The following ADAM2 variants were observed in gnomAD, a reference collection of about 807,000 sequenced individuals.
The protein encoded by ADAM2 is ADAM metallopeptidase domain 2.
ADAM2 carries 101 observed loss-of-function variants against 99.3 expected under a neutral mutation model. The ratio of observed to expected loss-of-function variants is 1.02; its 90% CI spans 0.87 to 1.20. The LOEUF (loss-of-function observed/expected upper bound fraction) is 1.20, where lower values mean the gene tolerates loss of function less well. ADAM2 is among the 50% of genes most tolerant of loss of function. The probability of loss-of-function intolerance (pLI) is 0.00; values close to 1 mark genes in which losing one functional copy is unlikely to be tolerated. For synonymous variants in ADAM2, 323 were observed against 287.6 expected, an observed-to-expected ratio of 1.12 and a Z score of -1.25; for missense variants, 948 against 878.7, an observed-to-expected ratio of 1.08 and a Z score of -1.00.
chr8:39,756,798 C>A (rs1802166660), intron 15 of ADAM2, among the ~76,000 whole-genome samples: 1 of 152,168 alleles, frequency 6.6e-6, no homozygotes, highest in African/African-American at 2.4e-5. Context: ...AGTGCACACA[C>A]CAGTTAAACA....
intron 7 of ADAM2, among the ~76,000 whole-genome samples, chr8:39,806,766 T>G (rs1227124181): frequency 6.6e-6 from 1 of 152,122 alleles, no homozygotes; most frequent in African/African-American, 2.4e-5. Flanking sequence ...CTATCTTTGT[T>G]GCAAAGATTG....
chr8:39,786,074 C>T (rs552514517), intron 10 of ADAM2, among the ~76,000 whole-genome samples: 12 of 152,202 alleles, frequency 7.9e-5, no homozygotes, highest in East Asian at 5.8e-4. Context: ...CCAAATACTG[C>T]GTGTTCTCAC....
intron 2 of ADAM2, 64 bp from the exon 3 acceptor site, chr8:39,834,063 CA>C (rs1350000341): frequency 1.2e-6 from 1 of 831,772 alleles, no homozygotes; most frequent in Non-Finnish European, 2.0e-6. Context: ...GGATAACCAT[CA>C]TTTTACATTA....
At position 39,788,228 on chromosome 8, in the gene ADAM2, T is replaced by C; in HGVS notation, c.666A>G (p.Thr222=). ...TNAIFVSFNI[T]IILSSLELWI... ...AAAGCTCCAATGAAGACAGAATAAT[T>C]GTAATATTAAATGAAACAAAAATCT... The change falls in exon 9 of 21, where the codon ACA becomes ACG. Residue 222 remains threonine (T), a synonymous_variant. Transcript: ENST00000265708. 1 of 1,533,656 alleles carries C rather than the reference T, an allele frequency of 6.5e-7. No homozygotes were observed. The highest frequency in any genetic ancestry group is 8.8e-7 in the Non-Finnish European group (1 of 1,137,490).
At chr8:39,778,938 TC>T (rs1321180366) in intron 10 of ADAM2, among the ~76,000 whole-genome samples, 1 of 152,114 alleles carries the variant, frequency 6.6e-6, no homozygotes, top group African/African-American at 2.4e-5. Flanking sequence ...TCCTGTTATC[TC>T]TTATAATTCA....
intron 7 of ADAM2, among the ~76,000 whole-genome samples, chr8:39,801,975 C>G (rs914674600): frequency 1.3e-5 from 2 of 152,102 alleles, no homozygotes; most frequent in Admixed American, 1.3e-4. Flanking sequence ...GCCCCTCCCC[C>G]AAGGAGCTCA....
intron 11 of ADAM2, among the ~76,000 whole-genome samples, chr8:39,775,323 T>C (rs1027682861): frequency 6.6e-6 from 1 of 152,022 alleles, no homozygotes; most frequent in Non-Finnish European, 1.5e-5. Flanking sequence ...GAATGTGTTG[T>C]GCCCATTCTA....
chr8:39,821,262 A>C, intron 5 of ADAM2, 92 bp from the exon 6 acceptor site: 1 of 918,356 alleles, frequency 1.1e-6, no homozygotes, highest in Non-Finnish European at 1.6e-6. Flanking sequence ...CATGGTATGC[A>C]GATTATTTTT....
intron 7 of ADAM2, among the ~76,000 whole-genome samples, chr8:39,789,492 A>G (rs1703227729): frequency 6.6e-6 from 1 of 151,836 alleles, no homozygotes; most frequent in African/African-American, 2.4e-5. Flanking sequence ...AATGTCCATA[A>G]CAATTTTAAA....
At chr8:39,822,493 T>C (rs997208925) in intron 4 of ADAM2, among the ~76,000 whole-genome samples, 5 of 145,690 alleles carry the variant, frequency 3.4e-5, no homozygotes, top group Non-Finnish European at 5.9e-5. Context: ...TCTTTTATTT[T>C]TATCAGTCAG....
In ADAM2 at chr8:39,821,140, A is replaced by G. The variant is rs1468285151; in HGVS notation, c.375T>C (p.Tyr125=). 3 of 1,603,154 alleles carry G rather than the reference A, an allele frequency of 1.9e-6. No homozygotes were observed. The highest frequency in any genetic ancestry group is 1.7e-6 in the Non-Finnish European group (2 of 1,176,078). ...CTGAAGACTCCAGGGGTTCTATTCC[A>G]TAACTAACATTTTCAAACTGTAGTA... ...RGVLQFENVS[Y]GIEPLESSVG... Residue 125 remains tyrosine (Y), a synonymous_variant, in exon 6 of 21, where the codon TAT becomes TAC. Transcript: ENST00000265708.
chr8:39,777,873 T>C (rs1008413973), intron 10 of ADAM2, among the ~76,000 whole-genome samples: 1 of 151,616 alleles, frequency 6.6e-6, no homozygotes, highest in Non-Finnish European at 1.5e-5. Flanking sequence ...ATATTTTATA[T>C]AGCCATTTCA....
intron 18 of ADAM2, among the ~76,000 whole-genome samples, chr8:39,747,117 A>T (rs1823503016): frequency 6.6e-6 from 1 of 152,182 alleles, no homozygotes; most frequent in Non-Finnish European, 1.5e-5. Flanking sequence ...AAACCCACAG[A>T]TTAAGAAGTG....
chr8:39,836,167 C>T (rs1031262866), intron 2 of ADAM2, among the ~76,000 whole-genome samples: 8 of 152,036 alleles, frequency 5.3e-5, no homozygotes, highest in South Asian at 4.2e-4. Context: ...ACAAAATAGA[C>T]AATTTTTTCC....
chr8:39,772,109 T>TA (rs201824657), intron 11 of ADAM2, among the ~76,000 whole-genome samples: 32,266 of 127,332 alleles, frequency 0.25, 4,316 homozygotes, highest in African/African-American at 0.39. Flanking sequence ...GAGAGAACGG[T>TA]AAAAAAAAAA....
At chr8:39,799,423 T>C (rs943390657) in intron 7 of ADAM2, among the ~76,000 whole-genome samples, 3 of 152,236 alleles carry the variant, frequency 2.0e-5, no homozygotes, top group Admixed American at 1.3e-4. Context: ...TTCAGTTCTT[T>C]TGCATTTGCA....
chr8:39,816,375 T>C (rs898511184), intron 6 of ADAM2, among the ~76,000 whole-genome samples: 1 of 152,140 alleles, frequency 6.6e-6, no homozygotes, highest in Admixed American at 6.5e-5. Flanking sequence ...TATAAAATTG[T>C]CAGCCACATT....
At chr8:39,758,149 T>C (rs1167057819) in intron 15 of ADAM2, among the ~76,000 whole-genome samples, 1 of 152,128 alleles carries the variant, frequency 6.6e-6, no homozygotes, top group Non-Finnish European at 1.5e-5. Context: ...GAGATTTACA[T>C]GAATGAATAT....
At chr8:39,788,360 G>T in intron 8 of ADAM2, 109 bp from the exon 9 acceptor site, 2 of 655,222 alleles carry the variant, frequency 3.1e-6, no homozygotes, top group Non-Finnish European at 4.7e-6. Flanking sequence ...TAAACTATAA[G>T]TCTGCATTTC....
Sources: allele counts gnomAD v4.1 joint callset (sites outside exome capture counted in the v4.1 genomes callset), GRCh38; gene constraint gnomAD v4.1.1; transcripts MANE v1.5; gene names NCBI Gene and HGNC (gene_info 2026-07-23, HGNC 2026-07-21).